The following DMD variants were observed in gnomAD, a reference collection of about 807,000 sequenced individuals.
DMD encodes mutant dystrophin.
DMD carries 63 observed loss-of-function variants against 330.1 expected under a neutral mutation model. The ratio of observed to expected loss-of-function variants is 0.19; its 90% confidence interval spans 0.16 to 0.24. The LOEUF (loss-of-function observed/expected upper bound fraction) is 0.24. Ranked by LOEUF, DMD falls within the 10% of genes least tolerant of loss-of-function variation. The probability of loss-of-function intolerance (pLI) is 1.00; values close to 1 mark genes in which losing one functional copy is unlikely to be tolerated. For synonymous variants in DMD, 1,223 were observed against 959.8 expected (o/e 1.27, Z -5.07); for missense variants, 3,344 against 2,684.1 (o/e 1.25, Z -5.43).
intron 55 of DMD, among the ~76,000 whole-genome samples, chrX:31,576,607 A>C (rs2076111250): frequency 9.0e-6 from 1 of 111,096 alleles, no homozygotes; most frequent in African/African-American, 3.3e-5. Flanking sequence ...CATCTGGTTC[A>C]ATGTTCACAG....
At chrX:31,207,425 A>C (rs1001494806) in intron 65 of DMD, among the ~76,000 whole-genome samples, 3 of 111,812 alleles carry the variant, frequency 2.7e-5, no homozygotes, top group African/African-American at 9.7e-5. Flanking sequence ...TGGGGGAAAA[A>C]AAGGAAAAAT....
At chrX:31,991,932 G>A (rs945805988) in intron 44 of DMD, among the ~76,000 whole-genome samples, 1 of 111,611 alleles carries the variant, frequency 9.0e-6, no homozygotes, top group Non-Finnish European at 1.9e-5. Flanking sequence ...CTAAAGATAC[G>A]GCAGTGAGCT....
At chrX:31,183,013 T>C (rs901378827) in intron 67 of DMD, 109 bp from the exon 68 acceptor site, 1 of 691,147 alleles carries the variant, frequency 1.4e-6, no homozygotes, top group Non-Finnish European at 2.2e-6. Flanking sequence ...ACAGAAAAGA[T>C]AGAAAGAACA....
intron 55 of DMD, among the ~76,000 whole-genome samples, chrX:31,625,091 T>C (rs1169425849): frequency 2.7e-5 from 3 of 112,137 alleles, no homozygotes; most frequent in Non-Finnish European, 1.9e-5. Context: ...AAGATCATTA[T>C]CCAACCATCT....
intron 59 of DMD, among the ~76,000 whole-genome samples, chrX:31,474,010 G>T (rs1035871180): frequency 8.9e-6 from 1 of 111,918 alleles, no homozygotes; most frequent in Admixed American, 9.5e-5. Context: ...TATAAATCAT[G>T]AATTTTAAAA....
intron 17 of DMD, among the ~76,000 whole-genome samples, chrX:32,544,054 C>T (rs1024048028): frequency 3.6e-5 from 4 of 111,705 alleles, no homozygotes; most frequent in Non-Finnish European, 7.5e-5. Context: ...CGTAAAAACA[C>T]TTCTTGGCTG....
chrX:31,155,807 C>A (rs896429372), intron 74 of DMD, among the ~76,000 whole-genome samples: 1 of 110,027 alleles, frequency 9.1e-6, no homozygotes, highest in Non-Finnish European at 1.9e-5. Flanking sequence ...TAGGGAGACA[C>A]CCCCACCATC....
chrX:31,407,719 A>G (rs1327154650), intron 60 of DMD, among the ~76,000 whole-genome samples: 1 of 108,124 alleles, frequency 9.2e-6, no homozygotes, highest in Non-Finnish European at 1.9e-5. Context: ...TGACCTCGTG[A>G]TCCATCCGCC....
chrX:32,348,072 T>C (rs2097769751), intron 38 of DMD, among the ~76,000 whole-genome samples: 1 of 111,520 alleles, frequency 9.0e-6, no homozygotes, highest in South Asian at 3.7e-4. Flanking sequence ...CAGTCATCTA[T>C]GATAGTTGAG....
In DMD at chrX:32,634,180, G is replaced by A. The variant is rs190604908; in HGVS notation, c.1331+9952C>T. On this transcript the variant is annotated intron_variant, in intron 11 of 78. Coordinates refer to ENST00000357033, the MANE Select transcript of DMD (RefSeq NM_004006.3). ...AAGAGAGTACTGTCTGAGGTCCAAT[G>A]TTCACTCAAGGGCCAAGGCCACTTT... 6.3e-4 allele frequency among the ~76,000 whole-genome samples: 70 copies of A among 111,871 alleles called. 1 individual carries two copies. The highest frequency in any genetic ancestry group is 6.2e-3 in the Admixed American group (65 of 10,549).
chrX:31,777,825 T>C (rs1168378060), intron 50 of DMD, among the ~76,000 whole-genome samples: 1 of 112,160 alleles, frequency 8.9e-6, no homozygotes, highest in Non-Finnish European at 1.9e-5. Context: ...CTATGTGGAT[T>C]TTTTTCTTCC....
At chrX:32,336,682 A>C (rs2097717232) in intron 41 of DMD, among the ~76,000 whole-genome samples, 1 of 112,087 alleles carries the variant, frequency 8.9e-6, no homozygotes, top group Admixed American at 9.5e-5. Context: ...TACATTACAT[A>C]ACCAGATTAT....
chrX:32,026,333 T>C (rs2095845458), intron 44 of DMD, among the ~76,000 whole-genome samples: 1 of 112,405 alleles, frequency 8.9e-6, no homozygotes, highest in African/African-American at 3.2e-5. Flanking sequence ...TTTAATGCTT[T>C]ATTAGCTTAT....
At chrX:32,886,327 A>AAT (rs2084562576) in intron 2 of DMD, among the ~76,000 whole-genome samples, 2 of 109,871 alleles carry the variant, frequency 1.8e-5, no homozygotes, top group African/African-American at 6.6e-5. Context: ...AACTGGTAAA[A>AAT]AATAATAATA....
intron 44 of DMD, among the ~76,000 whole-genome samples, chrX:32,046,496 C>G (rs964790862): frequency 3.6e-5 from 4 of 112,043 alleles, no homozygotes; most frequent in African/African-American, 1.3e-4. Flanking sequence ...ATATTTTGGG[C>G]CCTTAAATTT....
At chrX:32,755,869 T>C (rs1213943459) in intron 7 of DMD, among the ~76,000 whole-genome samples, 1 of 112,044 alleles carries the variant, frequency 8.9e-6, no homozygotes, top group East Asian at 2.8e-4. Flanking sequence ...TTGTGCTATA[T>C]TAACTGCTCC....
intron 54 of DMD, among the ~76,000 whole-genome samples, chrX:31,649,104 CTTT>C (rs1462773280): frequency 1.8e-5 from 2 of 111,398 alleles, no homozygotes. Flanking sequence ...ATAAGAAAAA[CTTT>C]CTCCCATTTG....
intron 1 of DMD, among the ~76,000 whole-genome samples, chrX:33,327,641 T>A (rs1044890400): frequency 8.9e-5 from 10 of 111,885 alleles, no homozygotes; most frequent in Non-Finnish European, 1.9e-5. Context: ...TTAATGATAT[T>A]GGAAAAAGAG....
intron 50 of DMD, among the ~76,000 whole-genome samples, chrX:31,794,401 C>G (rs899696704): frequency 1.6e-4 from 18 of 111,684 alleles, no homozygotes; most frequent in Non-Finnish European, 3.8e-5. Context: ...TAAAAAATAA[C>G]TTGATATCAA....
Sources: gnomAD v4.1 joint callset for allele counts (sites outside exome capture counted in the v4.1 genomes callset) on GRCh38, gnomAD v4.1.1 for gene constraint, MANE v1.5 for transcripts, NCBI Gene and HGNC (gene_info 2026-07-23, HGNC 2026-07-21) for gene names.